Variants in HSBP1 observed in about 807,000 individuals in gnomAD.
HSBP1 encodes the protein heat shock factor binding protein 1.
Under a neutral mutation model 9.6 loss-of-function variants are expected in HSBP1, and 5 were observed. The observed-to-expected ratio is 0.52, with a 90% CI of 0.27 to 1.09. The LOEUF is 1.09. Among genes scored for constraint, HSBP1 ranks in the 50% least tolerant of loss-of-function variants. The pLI is 0.11. For synonymous variants in HSBP1, 42 were observed against 33.3 expected, an observed-to-expected ratio of 1.26 and a Z score of -0.90; for missense variants, 121 against 96.3, an observed-to-expected ratio of 1.26 and a Z score of -1.07.
rs1904718176 is a variant in HSBP1 at position 83,816,235 on chromosome 16, A to G, written c.*4817A>G. 6.6e-6 allele frequency: 1 copy of G among 152,116 alleles called. No homozygotes were observed. The highest frequency in any genetic ancestry group is 2.4e-5 in the African/African-American group (1 of 41,396). The allele number at this position is 152,116 out of a possible 1,614,324, so 9.4% of individuals were successfully genotyped here. A position where few individuals can be genotyped will look rare whatever the true frequency, so the allele number is the denominator to read the frequency against. Reference sequence around the variant, plus strand: ...CCAACATGGCGAAACCCCCGTCTCTACTAAAAATACAAAAATTAGCCAGGC... The same window carrying G: ...CCAACATGGCGAAACCCCCGTCTCTGCTAAAAATACAAAAATTAGCCAGGC... On this transcript the variant is annotated 3_prime_UTR_variant, in exon 4 of 4. Coordinates refer to ENST00000433866, the MANE Select transcript of HSBP1 (RefSeq NM_001537.4).
In HSBP1 at chr16:83,814,044, C is replaced by G. The variant is rs1904663811; in HGVS notation, c.*2626C>G. On this transcript the variant is annotated 3_prime_UTR_variant, in exon 4 of 4. Coordinates refer to ENST00000433866, the MANE Select transcript of HSBP1 (RefSeq NM_001537.4). ...CTATGGGAACATAGAGTCCTCCAAA[C>G]AAAAGTGAACTTTTTCAACATGCTG... is the stretch of plus-strand genomic sequence containing the variant. The G allele has an allele frequency of 6.6e-6, 1 of 152,136 alleles. No homozygotes were observed. The highest frequency in any genetic ancestry group is 2.1e-4 in the South Asian group (1 of 4,836). 9.4% of individuals were successfully genotyped at this position (152,136 alleles called of 1,614,324 possible).
At chr16:83,808,472 T>G in intron 1 of HSBP1, 1 of 582,896 alleles carries the variant, frequency 1.7e-6, no homozygotes, top group Non-Finnish European at 3.1e-6. Context: ...ACCCTGAGCT[T>G]TGAGTCGCAG....
chr16:83,812,478 T>C lies in HSBP1; in HGVS notation c.*1060T>C, dbSNP rs1235816694. 3.3e-5 allele frequency: 5 copies of C among 152,210 alleles called. No individual in the cohort carries two copies. Among genetic ancestry groups the C allele is most frequent in the Admixed American group, 2.6e-4 (4 of 15,286 alleles). The allele number at this position is 152,210 out of a possible 1,614,324, so 9.4% of individuals were successfully genotyped here. ...CAGGAGTGCTAAACCTAGAGGCCAA[T>C]ACTGATGACCTGGAAGGTGATCCAT... is the stretch of plus-strand genomic sequence containing the variant. On this transcript the variant is annotated 3_prime_UTR_variant, in exon 4 of 4. Coordinates refer to ENST00000433866, the MANE Select transcript of HSBP1 (RefSeq NM_001537.4).
chr16:83,818,537 C>T lies in HSBP1; in HGVS notation c.*7119C>T, dbSNP rs1233948962. 2 of 152,212 alleles carry T rather than the reference C, an allele frequency of 1.3e-5. No homozygotes were observed. Among genetic ancestry groups the T allele is most frequent in the Non-Finnish European group, 2.9e-5 (2 of 68,044 alleles). 9.4% of individuals were successfully genotyped at this position (152,212 alleles called of 1,614,324 possible). On this transcript the variant is annotated 3_prime_UTR_variant, in exon 4 of 4. Coordinates refer to ENST00000433866, the MANE Select transcript of HSBP1 (RefSeq NM_001537.4). ...AGAATCCCTTTTATCCTAACGCTGACTAATAAACTGGTGAGAACTGTTTGA... is the reference window on the plus strand; with the variant it reads ...AGAATCCCTTTTATCCTAACGCTGATTAATAAACTGGTGAGAACTGTTTGA...
In HSBP1 at chr16:83,815,839, A is replaced by T. The variant is rs33126; in HGVS notation, c.*4421A>T. 0.12 allele frequency: 18,977 copies of T among 152,176 alleles called. 1,420 individuals carry two copies. Among genetic ancestry groups the T allele is most frequent in the Non-Finnish European group, 0.17 (11,582 of 67,984 alleles). 9.4% of individuals were successfully genotyped at this position (152,176 alleles called of 1,614,324 possible). A position where few individuals can be genotyped will look rare whatever the true frequency, so the allele number is the denominator to read the frequency against. On this transcript the variant is annotated 3_prime_UTR_variant, in exon 4 of 4. Transcript: ENST00000433866. ...TCGCAATAATGATCTAATAATGGTC[A>T]AATTCTGTGTCTCTACCGTAGAAAA...
rs1019216623 is a variant in HSBP1 at position 83,812,608 on chromosome 16, C to G, written c.*1190C>G. 1 of 152,168 alleles carries G rather than the reference C, an allele frequency of 6.6e-6. No homozygotes were observed. The highest frequency in any genetic ancestry group is 2.4e-5 in the African/African-American group (1 of 41,426). The allele number at this position is 152,168 out of a possible 1,614,324, so 9.4% of individuals were successfully genotyped here. A position where few individuals can be genotyped will look rare whatever the true frequency, so the allele number is the denominator to read the frequency against. On this transcript the variant is annotated 3_prime_UTR_variant, in exon 4 of 4. Transcript: ENST00000433866. ...CAGTCTTGGTGTTTATATTGCAAAT[C>G]TATCAAAGTAAGAAATAATTTGTGC...
In HSBP1 at chr16:83,819,502, G is replaced by A. The variant is rs545292692; in HGVS notation, c.*8084G>A. On this transcript the variant is annotated 3_prime_UTR_variant, in exon 4 of 4. Transcript: ENST00000433866. ...CACCCCTAAGCCCGAGGAACTGAGC[G>A]TGAAGAGCCCTGACGCCATGAAGAC... 1 of 152,262 alleles carries A rather than the reference G, an allele frequency of 6.6e-6. No homozygotes were observed. Among genetic ancestry groups the A allele is most frequent in the Admixed American group, 6.5e-5 (1 of 15,294 alleles). The allele number at this position is 152,262 out of a possible 1,614,324, so 9.4% of individuals were successfully genotyped here.
Position 83,815,511 on chromosome 16 carries a change from C to CAAA in HSBP1, c.*4106_*4108dup, listed in dbSNP as rs11445473. On this transcript the variant is annotated 3_prime_UTR_variant, in exon 4 of 4. Coordinates refer to ENST00000433866, the MANE Select transcript of HSBP1 (RefSeq NM_001537.4). ...GGGGTGACAGAGCAAGACCCTGTCT[C>CAAA]AAAAAAAAAAAAAAAGGGCGGATCC... is the stretch of plus-strand genomic sequence containing the variant. 357 of 136,186 alleles carry CAAA rather than the reference C, an allele frequency of 2.6e-3. 5 individuals carry two copies. The highest frequency in any genetic ancestry group is 6.3e-3 in the African/African-American group (230 of 36,430). The allele number at this position is 136,186 out of a possible 1,614,324, so 8.4% of individuals were successfully genotyped here. A position where few individuals can be genotyped will look rare whatever the true frequency, so the allele number is the denominator to read the frequency against.
At position 83,811,609 on chromosome 16, in the gene HSBP1, G is replaced by C. The variant is rs1171467928; in HGVS notation, c.*191G>C. On this transcript the variant is annotated 3_prime_UTR_variant, in exon 4 of 4. Coordinates refer to ENST00000433866, the MANE Select transcript of HSBP1 (RefSeq NM_001537.4). ...CTTGAACATGGTATCTTCACATCTT[G>C]GACCTTGGTCAGTTGTGCTATTCAT... 1 of 152,166 alleles carries C rather than the reference G, an allele frequency of 6.6e-6. No individual in the cohort carries two copies. The highest frequency in any genetic ancestry group is 1.5e-5 in the Non-Finnish European group (1 of 68,032). The allele number at this position is 152,166 out of a possible 1,614,324, so 9.4% of individuals were successfully genotyped here. A position where few individuals can be genotyped will look rare whatever the true frequency, so the allele number is the denominator to read the frequency against.
At chr16:83,808,932 C>G (rs1429964901) in intron 2 of HSBP1, among the ~76,000 whole-genome samples, 186 bp downstream of exon 2, 1 of 152,168 alleles carries the variant, frequency 6.6e-6, no homozygotes, top group East Asian at 1.9e-4. Context: ...AGTTAGACTC[C>G]TGGCTCAAGG....
At chr16:83,810,100 CTT>C (rs75686717) in intron 3 of HSBP1, among the ~76,000 whole-genome samples, 8 of 140,720 alleles carry the variant, frequency 5.7e-5, no homozygotes, top group Non-Finnish European at 6.2e-5. Flanking sequence ...TTTTCCATTG[CTT>C]TTTTTTTTTT....
At position 83,808,004 on chromosome 16, in the gene HSBP1, G is replaced by T; in HGVS notation, c.-73G>T. The T allele has an allele frequency of 5.9e-6, 8 of 1,358,008 alleles. No individual in the cohort carries two copies. Among genetic ancestry groups the T allele is most frequent in the South Asian group, 1.3e-5 (1 of 74,760 alleles). The allele number at this position is 1,358,008 out of a possible 1,614,324, so 84.1% of individuals were successfully genotyped here. A position where few individuals can be genotyped will look rare whatever the true frequency, so the allele number is the denominator to read the frequency against. On this transcript the variant is annotated 5_prime_UTR_variant, in exon 1 of 4. Transcript: ENST00000433866. ...GTCTCGTCGCGAGAAGCAGCGGCCC[G>T]GGGCGACTGAGCGGACAAACGGAAG...
chr16:83,810,023 G>C (rs949914888), intron 3 of HSBP1, among the ~76,000 whole-genome samples: 2 of 114,434 alleles, frequency 1.7e-5, no homozygotes, highest in Middle Eastern at 4.1e-3. Flanking sequence ...TAACCACTGA[G>C]TTTTTATCAT....
Position 83,816,399 on chromosome 16 carries a change from C to CA in HSBP1, c.*4987dup, listed in dbSNP as rs536856574. On this transcript the variant is annotated 3_prime_UTR_variant, in exon 4 of 4. Transcript: ENST00000433866. ...TGGGTAACAGAGCGAGACTCCATCT[C>CA]AAAAAATAAAAAACAAAAAAATAAA... 1.3e-5 allele frequency: 2 copies of CA among 151,686 alleles called. No individual in the cohort carries two copies. The highest frequency in any genetic ancestry group is 3.8e-4 in the East Asian group (2 of 5,196). 9.4% of individuals were successfully genotyped at this position (151,686 alleles called of 1,614,324 possible). A position where few individuals can be genotyped will look rare whatever the true frequency, so the allele number is the denominator to read the frequency against.
At chr16:83,808,776 G>C (rs368285643) in intron 2 of HSBP1, 30 bp downstream of exon 2, 4 of 1,561,638 alleles carry the variant, frequency 2.6e-6, no homozygotes, top group Non-Finnish European at 3.5e-6. Context: ...TCGGCCTCCT[G>C]TGGGCCTTTG....
Position 83,818,623 on chromosome 16 carries a change from A to G in HSBP1, c.*7205A>G, listed in dbSNP as rs182751767. 3 of 152,246 alleles carry G rather than the reference A, an allele frequency of 2.0e-5. No homozygotes were observed. Among genetic ancestry groups the G allele is most frequent in the Admixed American group, 2.0e-4 (3 of 15,282 alleles). 9.4% of individuals were successfully genotyped at this position (152,246 alleles called of 1,614,324 possible). A position where few individuals can be genotyped will look rare whatever the true frequency, so the allele number is the denominator to read the frequency against. ...TTATGCTGTATTAAACACCACTGAG[A>G]TGTTAAGGTCTTTCTTGGGAACCAC... On this transcript the variant is annotated 3_prime_UTR_variant, in exon 4 of 4. Transcript: ENST00000433866.
chr16:83,808,562 A>C lies in HSBP1; in HGVS notation c.46-118A>C, dbSNP rs1419695229. 9.8e-6 allele frequency: 7 copies of C among 713,502 alleles called. No homozygotes were observed. In the African/African-American group the frequency reaches 1.2e-4, roughly 13 times the overall value. The allele number at this position is 713,502 out of a possible 1,614,324, so 44.2% of individuals were successfully genotyped here. The stretch of plus-strand genomic sequence containing the variant: ...GAAGGAAGATCTTGCTGAAGGCCGC[A>C]CAGCTGTCCAGAGGCAGAAATGGGG... On this transcript the variant is annotated intron_variant, in intron 1 of 3. Coordinates refer to ENST00000433866, the MANE Select transcript of HSBP1 (RefSeq NM_001537.4).
chr16:83,813,782 C>T lies in HSBP1; in HGVS notation c.*2364C>T, dbSNP rs933121715. 1 of 152,216 alleles carries T rather than the reference C, an allele frequency of 6.6e-6. No individual in the cohort carries two copies. Among genetic ancestry groups the T allele is most frequent in the Admixed American group, 6.5e-5 (1 of 15,290 alleles). The allele number at this position is 152,216 out of a possible 1,614,324, so 9.4% of individuals were successfully genotyped here. ...TTAATTAAGTGCCCTGTCTCAAACC[C>T]CAAGGCCCCACAGCTTCTTCATTTG... On this transcript the variant is annotated 3_prime_UTR_variant, in exon 4 of 4. Transcript: ENST00000433866.
At chr16:83,809,282 C>G in intron 2 of HSBP1, 23 bp from the exon 3 acceptor site, 2 of 1,418,772 alleles carry the variant, frequency 1.4e-6, no homozygotes, top group Non-Finnish European at 2.0e-6. Flanking sequence ...GATGTTGGCA[C>G]GCGTTGTCTT....
Sources: gnomAD v4.1 joint callset for allele counts (sites outside exome capture counted in the v4.1 genomes callset) on GRCh38, gnomAD v4.1.1 for gene constraint, MANE v1.5 for transcripts, NCBI Gene and HGNC (gene_info 2026-07-23, HGNC 2026-07-21) for gene names.